VOPP1: variants seen among roughly 807,000 people sequenced by gnomAD.
VOPP1 encodes WW domain binding protein VOPP1.
In VOPP1, 8 loss-of-function variants were observed where a neutral mutation model predicts 23.5. The ratio of observed to expected loss-of-function variants is 0.34; its 90% CI spans 0.20 to 0.61. The LOEUF (loss-of-function observed/expected upper bound fraction) is 0.61, where lower values mean the gene tolerates loss of function less well. VOPP1 is among the 20% of genes least tolerant of loss of function. The pLI is 0.78. For missense variants in VOPP1, 174 were observed against 238.1 expected (o/e 0.73, Z 1.77); for synonymous variants, 83 against 97.3 (o/e 0.85, Z 0.86).
intron 2 of VOPP1, among the ~76,000 whole-genome samples, chr7:55,507,794 C>T (rs1404923982): frequency 1.3e-5 from 2 of 152,124 alleles, no homozygotes; most frequent in South Asian, 2.1e-4. Context: ...ACGTGTGGTC[C>T]CATTTTGATG....
chr7:55,491,312 T>C (rs965449755), intron 4 of VOPP1, among the ~76,000 whole-genome samples: 19 of 152,260 alleles, frequency 1.2e-4, no homozygotes, highest in African/African-American at 4.6e-4. Context: ...CACTGTACAA[T>C]AGATCTCTAG....
At chr7:55,568,611 A>G (rs1458238760) in intron 1 of VOPP1, among the ~76,000 whole-genome samples, 2 of 152,246 alleles carry the variant, frequency 1.3e-5, no homozygotes, top group African/African-American at 2.4e-5. Flanking sequence ...CAGTAAGAAC[A>G]GAGCCCTTCA....
intron 4 of VOPP1, among the ~76,000 whole-genome samples, chr7:55,445,292 C>G (rs1007481128): frequency 2.0e-5 from 3 of 151,896 alleles, no homozygotes; most frequent in Admixed American, 6.6e-5. Flanking sequence ...CACACACACA[C>G]AGACACACAT....
At chr7:55,518,755 A>T (rs1795639062) in intron 2 of VOPP1, among the ~76,000 whole-genome samples, 1 of 152,218 alleles carries the variant, frequency 6.6e-6, no homozygotes, top group Admixed American at 6.5e-5. Context: ...TGAGATTCAC[A>T]ATAAAGAAGG....
chr7:55,556,645 C>CG (rs398111389), intron 1 of VOPP1, among the ~76,000 whole-genome samples: 1 of 151,112 alleles, frequency 6.6e-6, no homozygotes, highest in Admixed American at 6.6e-5. Flanking sequence ...AACCCCCCCC[C>CG]AAAACACTTC....
At chr7:55,563,266 A>G (rs971829415) in intron 1 of VOPP1, among the ~76,000 whole-genome samples, 2 of 152,182 alleles carry the variant, frequency 1.3e-5, no homozygotes, top group African/African-American at 2.4e-5. Flanking sequence ...AAAATTCTAT[A>G]AAGTAGAAAT....
chr7:55,435,267 C>A (rs117320774), downstream of VOPP1, among the ~76,000 whole-genome samples: 1 of 152,274 alleles, frequency 6.6e-6, no homozygotes, highest in East Asian at 1.9e-4. Context: ...CGCTTCAAAG[C>A]GGTGTGTGAC....
intron 4 of VOPP1, among the ~76,000 whole-genome samples, chr7:55,477,549 C>T (rs1300717321): frequency 6.6e-6 from 1 of 152,104 alleles, no homozygotes; most frequent in Non-Finnish European, 1.5e-5. Flanking sequence ...GAGGGAGGGG[C>T]GGGAGTGTGG....
At chr7:55,475,513 G>C (rs112324501) in intron 4 of VOPP1, among the ~76,000 whole-genome samples, 2 of 152,208 alleles carry the variant, frequency 1.3e-5, no homozygotes, top group African/African-American at 4.8e-5. Flanking sequence ...GTGCGTTACA[G>C]TCACAGATGG....
At chr7:55,520,146 GA>G (rs1224049216) in intron 2 of VOPP1, among the ~76,000 whole-genome samples, 1 of 151,862 alleles carries the variant, frequency 6.6e-6, no homozygotes, top group Non-Finnish European at 1.5e-5. Context: ...TAATAATAAT[GA>G]CAGGTAAGAA....
chr7:55,538,644 G>A (rs1490692265), intron 1 of VOPP1: 3 of 1,535,948 alleles, frequency 2.0e-6, no homozygotes, highest in Non-Finnish European at 2.6e-6. Context: ...ATACCCAAGA[G>A]TTTCGCTGAG....
chr7:55,439,564 G>T (rs764968767), intron 4 of VOPP1, among the ~76,000 whole-genome samples: 4 of 152,200 alleles, frequency 2.6e-5, no homozygotes, highest in Non-Finnish European at 4.4e-5. Context: ...GAAAGAAGGG[G>T]TGATATAACA....
In VOPP1 at chr7:55,471,045, C is replaced by G. The variant is rs563883730; in HGVS notation, c.*1810G>C. The G allele has an allele frequency of 6.6e-6, 1 of 152,088 alleles. No individual in the cohort carries two copies. The highest frequency in any genetic ancestry group is 2.4e-5 in the African/African-American group (1 of 41,390). 9.4% of individuals were successfully genotyped at this position (152,088 alleles called of 1,614,324 possible). A position where few individuals can be genotyped will look rare whatever the true frequency, so the allele number is the denominator to read the frequency against. On this transcript the variant is annotated 3_prime_UTR_variant, in exon 5 of 5. Transcript: ENST00000285279. ...GGACTTTTGGGTGCCTATTCAGCTG[C>G]ACCCGATTCCAGGGGCAGCTTAGTG...
At position 55,486,072 on chromosome 7, in the gene VOPP1, G is replaced by A. The variant is rs556189294; in HGVS notation, c.328+6210C>T. Among the ~76,000 whole-genome samples the A allele has an allele frequency of 7.9e-5, 12 of 152,322 alleles. No individual in the cohort carries two copies. In the South Asian group the frequency reaches 2.3e-3, roughly 29 times the overall value. ...CTCCAGATGCAGGCACCCATGAGTG[G>A]ACCACGACGGGCCAGAGGCTCCGGC... On this transcript the variant is annotated intron_variant, in intron 4 of 4. Coordinates refer to ENST00000285279, the MANE Select transcript of VOPP1 (RefSeq NM_030796.5).
intron 1 of VOPP1, among the ~76,000 whole-genome samples, chr7:55,549,622 G>A (rs964141035): frequency 3.3e-5 from 5 of 152,290 alleles, no homozygotes; most frequent in East Asian, 1.9e-4. Context: ...TCTGCAGTGC[G>A]ACCAGCCGTG....
intron 1 of VOPP1, among the ~76,000 whole-genome samples, chr7:55,523,113 T>G (rs1277994799): frequency 6.6e-6 from 1 of 152,184 alleles, no homozygotes; most frequent in Non-Finnish European, 1.5e-5. Flanking sequence ...CAGTGTCTTC[T>G]GGACTCACGA....
chr7:55,535,107 C>T (rs1363463933), intron 1 of VOPP1, among the ~76,000 whole-genome samples: 1 of 152,176 alleles, frequency 6.6e-6, no homozygotes, highest in Non-Finnish European at 1.5e-5. Flanking sequence ...GGACTCCTGA[C>T]ACTGCACCTG....
rs367980617 is a variant in VOPP1, at chr7:55,492,337, G to A, written c.273C>T (p.Ile91=). The A allele has an allele frequency of 6.2e-6, 10 of 1,610,240 alleles. No homozygotes were observed. The highest frequency in any genetic ancestry group is 3.3e-4 in the Middle Eastern group (2 of 6,054). The change falls in exon 4 of 5, where the codon ATC becomes ATT. Residue 91 remains isoleucine (I), a synonymous_variant. Coordinates refer to ENST00000285279, the MANE Select transcript of VOPP1 (RefSeq NM_030796.5). Reference sequence around the variant, plus strand: ...AGGACACATTGAAGGCTGGCTCCTCGATCAGCGGCGGGGGGTACATGCGCC... The same window carrying A: ...AGGACACATTGAAGGCTGGCTCCTCAATCAGCGGCGGGGGGTACATGCGCC... ...IRRRMYPPPL[I]EEPAFNVSYT...
intron 4 of VOPP1, among the ~76,000 whole-genome samples, chr7:55,440,145 A>G (rs1306275831): frequency 1.3e-5 from 2 of 152,078 alleles, no homozygotes; most frequent in Non-Finnish European, 2.9e-5. Context: ...AGTTTATCTG[A>G]CCTGCTTTTT....
Sources: allele counts gnomAD v4.1 joint callset (sites outside exome capture counted in the v4.1 genomes callset), GRCh38; gene constraint gnomAD v4.1.1; transcripts MANE v1.5; gene names NCBI Gene and HGNC (gene_info 2026-07-23, HGNC 2026-07-21).